Variants in FRAS1 observed in about 807,000 individuals in gnomAD.
The protein encoded by FRAS1 is extracellular matrix organizing protein FRAS1.
Under a neutral mutation model 435.2 loss-of-function variants are expected in FRAS1, and 290 were observed. That is an observed-to-expected ratio of 0.67 (90% CI 0.61 to 0.73). FRAS1 has a LOEUF of 0.73. FRAS1 is among the 30% of genes least tolerant of loss of function. The pLI is 0.00. For missense variants in FRAS1, 4,860 were observed against 5,001.5 expected (o/e 0.97, Z 0.85); for synonymous variants, 1,800 against 1,851.0 (o/e 0.97, Z 0.71).
chr4:78,311,423 G>C (rs1197760856), intron 15 of FRAS1, among the ~76,000 whole-genome samples: 1 of 152,010 alleles, frequency 6.6e-6, no homozygotes, highest in Non-Finnish European at 1.5e-5. Flanking sequence ...ACTTCTCACT[G>C]CTATGTAGCA....
rs1350067686 is a variant in FRAS1 at position 78,450,260 on chromosome 4, G to A, written c.6384G>A (p.Gln2128=). 4 of 1,613,874 alleles carry A rather than the reference G, an allele frequency of 2.5e-6. No homozygotes were observed. The South Asian group carries it at 4.4e-5, about 18-fold the overall frequency. Residue 2128 remains glutamine, a synonymous_variant, in exon 45 of 74, where the codon CAG becomes CAA. Transcript: ENST00000512123. ...AAGATCCTGGTGCAGGGCGCCTGCA[G>A]ATGATGAAGCATGGCAACCTGGAGC... ...MKEDPGAGRL[Q]MMKHGNLEQI... is the part of the protein sequence containing the mutation.
intron 59 of FRAS1, among the ~76,000 whole-genome samples, chr4:78,494,173 C>CT (rs1250147129): frequency 2.0e-5 from 3 of 152,030 alleles, no homozygotes; most frequent in Admixed American, 6.6e-5. Flanking sequence ...CTATTGTCCT[C>CT]TTTTTTTCAT....
intron 2 of FRAS1, among the ~76,000 whole-genome samples, chr4:78,142,987 T>C (rs1720258115): frequency 6.6e-6 from 1 of 152,140 alleles, no homozygotes; most frequent in Middle Eastern, 3.4e-3. Flanking sequence ...AACAGTAACA[T>C]AGAAGATTTA....
chr4:78,282,360 A>G (rs1291902770), intron 11 of FRAS1, among the ~76,000 whole-genome samples: 1 of 152,188 alleles, frequency 6.6e-6, no homozygotes, highest in African/African-American at 2.4e-5. Context: ...CAATGACTCA[A>G]CTGTTAACTC....
intron 3 of FRAS1, among the ~76,000 whole-genome samples, chr4:78,241,149 G>A (rs543638864): frequency 5.9e-5 from 9 of 152,262 alleles, no homozygotes; most frequent in African/African-American, 1.7e-4. Context: ...ACTGAGGGGT[G>A]GAAGGAGAGA....
intron 49 of FRAS1, among the ~76,000 whole-genome samples, chr4:78,465,453 C>A (rs541105395): frequency 2.6e-5 from 4 of 152,318 alleles, no homozygotes; most frequent in South Asian, 2.1e-4. Context: ...GAAGGCCTCT[C>A]TGAGGAGGTC....
At chr4:78,455,051 A>C (rs1277764035) in intron 47 of FRAS1, among the ~76,000 whole-genome samples, 2 of 152,000 alleles carry the variant, frequency 1.3e-5, no homozygotes, top group Non-Finnish European at 2.9e-5. Context: ...GTTTTTCTCA[A>C]TCTGCCTGCT....
At position 78,464,496 on chromosome 4, in the gene FRAS1, C is replaced by G. The variant is rs766845287; in HGVS notation, c.6942C>G (p.Val2314=). The G allele has an allele frequency of 1.9e-6, 3 of 1,613,948 alleles. No homozygotes were observed. The highest frequency in any genetic ancestry group is 2.5e-6 in the Non-Finnish European group (3 of 1,179,854). Residue 2314 remains valine (V), a synonymous_variant, in exon 49 of 74, where the codon GTC becomes GTG. Coordinates refer to ENST00000512123, the MANE Select transcript of FRAS1 (RefSeq NM_025074.7). Reference sequence around the variant, plus strand: ...ACCCTGTCGATGATTCGCTGCCCGTCGTACAGAACTTAGGAATGCGGGTGC... The same window carrying G: ...ACCCTGTCGATGATTCGCTGCCCGTGGTACAGAACTTAGGAATGCGGGTGC... ...TLHPVDDSLP[V]VQNLGMRVQE...
At position 78,271,764 on chromosome 4, in the gene FRAS1, G is replaced by A. The variant is rs368743839; in HGVS notation, c.981+4332G>A. 5.3e-5 allele frequency among the ~76,000 whole-genome samples: 8 copies of A among 152,084 alleles called. 1 individual carries two copies. Among genetic ancestry groups the A allele is most frequent in the African/African-American group, 9.7e-5 (4 of 41,384 alleles). On this transcript the variant is annotated intron_variant, in intron 9 of 73. Coordinates refer to ENST00000512123, the MANE Select transcript of FRAS1 (RefSeq NM_025074.7). ...AGTCTTTGCTATTGTGAATAGTGCC[G>A]CAATAAACATACGTGTGCATGTGTC...
At chr4:78,345,009 G>T (rs1393508987) in intron 20 of FRAS1, among the ~76,000 whole-genome samples, 1 of 152,006 alleles carries the variant, frequency 6.6e-6, no homozygotes, top group Non-Finnish European at 1.5e-5. Flanking sequence ...CTACATAATT[G>T]TCATTTTTAA....
chr4:78,100,729 C>G (rs6820400), intron 2 of FRAS1, among the ~76,000 whole-genome samples: 33,018 of 152,020 alleles, frequency 0.22, 3,943 homozygotes, highest in Admixed American at 0.29. Context: ...GATCCTGGCT[C>G]TTGGTGTTTT....
At chr4:78,450,598 T>C in intron 45 of FRAS1, 1 of 445,580 alleles carries the variant, frequency 2.2e-6, no homozygotes, top group Non-Finnish European at 4.0e-6. Context: ...AAAAAGTTAT[T>C]TTGACTTGCT....
Position 78,363,888 on chromosome 4 carries a change from T to G in FRAS1, c.2576-20T>G. On this transcript the variant is annotated intron_variant, in intron 21 of 73. Transcript: ENST00000512123. ...GAATCTGACATCATGGTTTCTGTTGTGTCTCTTTTTCCTCTGCAGAATGCC... is the reference window on the plus strand; with the variant it reads ...GAATCTGACATCATGGTTTCTGTTGGGTCTCTTTTTCCTCTGCAGAATGCC... 6.3e-7 allele frequency: 1 copy of G among 1,597,182 alleles called. No homozygotes were observed. Among genetic ancestry groups the G allele is most frequent in the Non-Finnish European group, 8.5e-7 (1 of 1,170,836 alleles).
At chr4:78,490,168 G>A (rs1369240306) in intron 59 of FRAS1, among the ~76,000 whole-genome samples, 2 of 152,006 alleles carry the variant, frequency 1.3e-5, no homozygotes, top group African/African-American at 4.8e-5. Flanking sequence ...AGTTCTTAGA[G>A]ACCTACAAAG....
At chr4:78,507,848 C>T (rs1343442806) in intron 62 of FRAS1, among the ~76,000 whole-genome samples, 1 of 152,104 alleles carries the variant, frequency 6.6e-6, no homozygotes, top group Non-Finnish European at 1.5e-5. Context: ...AGGGATACTC[C>T]TAAACATCCC....
intron 26 of FRAS1, among the ~76,000 whole-genome samples, chr4:78,376,712 C>T (rs972037777): frequency 2.6e-5 from 4 of 152,150 alleles, no homozygotes; most frequent in South Asian, 2.1e-4. Context: ...TAACATCGGC[C>T]GGGCATGGTG....
chr4:78,092,673 T>G (rs1741592268), intron 2 of FRAS1, among the ~76,000 whole-genome samples: 1 of 152,206 alleles, frequency 6.6e-6, no homozygotes, highest in Non-Finnish European at 1.5e-5. Context: ...ATTTCATAAA[T>G]GGGAGTGGTG....
chr4:78,319,387 T>C (rs1469907215), intron 18 of FRAS1: 1 of 458,178 alleles, frequency 2.2e-6, no homozygotes, highest in Admixed American at 2.3e-5. Context: ...TGTCAGAATT[T>C]AGAAGTGATT....
At chr4:78,409,651 A>G (rs1733257147) in intron 31 of FRAS1, among the ~76,000 whole-genome samples, 1 of 152,234 alleles carries the variant, frequency 6.6e-6, no homozygotes, top group South Asian at 2.1e-4. Context: ...ATACAGAAAT[A>G]CAAAAGAATA....
Sources: allele counts gnomAD v4.1 joint callset (sites outside exome capture counted in the v4.1 genomes callset), GRCh38; gene constraint gnomAD v4.1.1; transcripts MANE v1.5; gene names NCBI Gene and HGNC (gene_info 2026-07-23, HGNC 2026-07-21).